The following ARHGEF10 variants were observed in gnomAD, a reference collection of about 807,000 sequenced individuals.
ARHGEF10 encodes the protein Rho guanine nucleotide exchange factor (GEF) 10.
ARHGEF10 carries 140 observed loss-of-function variants against 147.4 expected under a neutral mutation model. The observed-to-expected ratio is 0.95, with a 90% CI of 0.83 to 1.09. The LOEUF (loss-of-function observed/expected upper bound fraction) is 1.09, where lower values mean the gene tolerates loss of function less well. Ranked by LOEUF, ARHGEF10 falls within the 50% of genes least tolerant of loss-of-function variation. The pLI is 0.00. For synonymous variants in ARHGEF10, 902 were observed against 695.8 expected (o/e 1.30, Z -4.67); for missense variants, 2,222 against 1,752.7 (o/e 1.27, Z -4.78).
intron 10 of ARHGEF10, among the ~76,000 whole-genome samples, chr8:1,883,824 G>C (rs1030497727): frequency 1.7e-4 from 26 of 152,174 alleles, no homozygotes; most frequent in African/African-American, 6.3e-4. Flanking sequence ...GTGAGGAGTT[G>C]GGATTTGGGG....
At chr8:1,849,827 C>T in intron 2 of ARHGEF10, among the ~76,000 whole-genome samples, 1 of 98,222 alleles carries the variant, frequency 1.0e-5, no homozygotes, top group Admixed American at 1.3e-4. Context: ...AGGGCAAATG[C>T]TGAGGAGGGC....
chr8:1,842,981 C>G (rs991840501), intron 1 of ARHGEF10, among the ~76,000 whole-genome samples: 7 of 152,312 alleles, frequency 4.6e-5, no homozygotes, highest in African/African-American at 1.7e-4. Context: ...CCAGCTAAGT[C>G]TGGAAGAAAC....
intron 27 of ARHGEF10, among the ~76,000 whole-genome samples, chr8:1,947,698 C>G (rs1466814325): frequency 4.1e-5 from 6 of 146,448 alleles, no homozygotes; most frequent in African/African-American, 1.5e-4. Flanking sequence ...TCAGCACCCA[C>G]CCTCTCATCC....
At chr8:1,853,362 G>A (rs1167151627) in intron 2 of ARHGEF10, among the ~76,000 whole-genome samples, 1 of 152,238 alleles carries the variant, frequency 6.6e-6, no homozygotes, top group African/African-American at 2.4e-5. Context: ...GCCATGGTGT[G>A]TCCAGCGAAT....
At chr8:1,858,643 G>A in intron 3 of ARHGEF10, 1 of 156,742 alleles carries the variant, frequency 6.4e-6, no homozygotes, top group Admixed American at 6.2e-5. Context: ...GGTGGGTTGG[G>A]TGCTTTCATT....
intron 1 of ARHGEF10, among the ~76,000 whole-genome samples, chr8:1,829,831 G>A (rs917689395): frequency 4.1e-4 from 63 of 152,186 alleles, no homozygotes; most frequent in Non-Finnish European, 1.8e-4. Context: ...GGCGAGGCCC[G>A]GGGAGGCTGC....
chr8:1,838,718 A>G (rs1803739990), intron 1 of ARHGEF10, among the ~76,000 whole-genome samples: 1 of 152,238 alleles, frequency 6.6e-6, no homozygotes, highest in African/African-American at 2.4e-5. Flanking sequence ...TCTGGCGTGG[A>G]GGCCGTCCAC....
In ARHGEF10 at chr8:1,956,846, C is replaced by G. The variant is rs1283518187; in HGVS notation, c.3618C>G (p.Asp1206Glu). 6.2e-7 allele frequency: 1 copy of G among 1,613,940 alleles called. No homozygotes were observed. The change falls in exon 29 of 29, where the codon GAC becomes GAG. Residue 1206 changes from aspartate (D) to glutamate (E), a missense_variant. Physicochemically the swap from Asp to Glu is conservative, Grantham distance 45. Transcript: ENST00000349830. Reference protein sequence around the residue: ...LHEKDKDKSRDSLAPGPEPQD... With the variant: ...LHEKDKDKSRESLAPGPEPQD... ...AGAAAGACAAGGACAAATCCAGGGA[C>G]AGCCTGGCTCCTGGCCCCGAGCCTC...
At chr8:1,823,511 C>T (rs1448427574), upstream of ARHGEF10, among the ~76,000 whole-genome samples, 1 of 151,894 alleles carries the variant, frequency 6.6e-6, no homozygotes, top group African/African-American at 2.4e-5. Context: ...TGGGGGTCCG[C>T]AGAAAGGGCG....
At chr8:1,850,240 A>G (rs1290186858) in intron 2 of ARHGEF10, among the ~76,000 whole-genome samples, 1 of 81,580 alleles carries the variant, frequency 1.2e-5, no homozygotes, top group Non-Finnish European at 2.8e-5. Flanking sequence ...GGCGTGGGGC[A>G]GTCGCGTGGA....
chr8:1,946,018 A>C (rs535941614), intron 27 of ARHGEF10: 63 of 411,612 alleles, frequency 1.5e-4, no homozygotes, highest in South Asian at 1.4e-3. Flanking sequence ...TGAAGAACAC[A>C]GAACAGGAGG....
intron 6 of ARHGEF10, 91 bp downstream of exon 6, chr8:1,866,693 T>A: frequency 8.5e-7 from 1 of 1,179,402 alleles, no homozygotes; most frequent in Non-Finnish European, 1.3e-6. Context: ...TCAGGTCCCA[T>A]CAGATCTAAA....
At chr8:1,953,804 C>A (rs1396582574) in intron 28 of ARHGEF10, among the ~76,000 whole-genome samples, 2 of 152,114 alleles carry the variant, frequency 1.3e-5, no homozygotes, top group African/African-American at 4.8e-5. Context: ...TAAACCACAG[C>A]CTTAGATTCT....
chr8:1,845,425 C>T (rs1034205390), intron 2 of ARHGEF10, among the ~76,000 whole-genome samples: 1 of 152,212 alleles, frequency 6.6e-6, no homozygotes, highest in South Asian at 2.1e-4. Context: ...TTCCCACACA[C>T]ATGTAAGATG....
intron 28 of ARHGEF10, among the ~76,000 whole-genome samples, chr8:1,953,660 C>T (rs1257812976): frequency 6.6e-6 from 1 of 152,048 alleles, no homozygotes; most frequent in Non-Finnish European, 1.5e-5. Flanking sequence ...GGAGGTGACC[C>T]GCAGTTCGTA....
intron 2 of ARHGEF10, among the ~76,000 whole-genome samples, chr8:1,847,042 C>T (rs1478664983): frequency 6.6e-6 from 1 of 152,178 alleles, no homozygotes; most frequent in East Asian, 1.9e-4. Context: ...ATTCTTTAGT[C>T]CATGCCCATT....
intron 8 of ARHGEF10, among the ~76,000 whole-genome samples, chr8:1,877,333 T>A (rs1807793764): frequency 6.6e-6 from 1 of 152,160 alleles, no homozygotes; most frequent in Non-Finnish European, 1.5e-5. Flanking sequence ...GTTTAAGCCA[T>A]TCTCTTGCCT....
At chr8:1,935,744 G>C (rs1159521535) in intron 26 of ARHGEF10, among the ~76,000 whole-genome samples, 1 of 152,202 alleles carries the variant, frequency 6.6e-6, no homozygotes, top group Non-Finnish European at 1.5e-5. Flanking sequence ...ACAAACACTT[G>C]GGAGTGTCCT....
chr8:1,865,547 G>C (rs769481035), intron 5 of ARHGEF10, among the ~76,000 whole-genome samples: 16 of 132,596 alleles, frequency 1.2e-4, no homozygotes, highest in African/African-American at 4.6e-4. Flanking sequence ...GGCGTCCCCC[G>C]GCACCCAGGG....
Sources: allele counts gnomAD v4.1 joint callset (sites outside exome capture counted in the v4.1 genomes callset), GRCh38; gene constraint gnomAD v4.1.1; transcripts MANE v1.5; gene names NCBI Gene and HGNC (gene_info 2026-07-23, HGNC 2026-07-21).